Variants in TSC2 observed in about 807,000 individuals in gnomAD.
TSC2 encodes the protein TSC complex subunit 2.
In TSC2, 29 loss-of-function variants were observed where a neutral mutation model predicts 202.2. That is an observed-to-expected ratio of 0.14 (90% CI 0.11 to 0.20). The LOEUF (loss-of-function observed/expected upper bound fraction) is 0.20. Ranked by LOEUF, TSC2 falls within the 10% of genes least tolerant of loss-of-function variation. The pLI is 1.00. For synonymous variants in TSC2, 1,349 were observed against 1,044.0 expected, an observed-to-expected ratio of 1.29 and a Z score of -5.63; for missense variants, 2,429 against 2,420.0, an observed-to-expected ratio of 1.00 and a Z score of -0.08.
rs762627457 is a variant in TSC2, at chr16:2,088,646, G to A, written c.*36G>A. 1 of 1,583,274 alleles carries A rather than the reference G, an allele frequency of 6.3e-7. No individual in the cohort carries two copies. Among genetic ancestry groups the A allele is most frequent in the Non-Finnish European group, 8.5e-7 (1 of 1,172,028 alleles). ...CTCCCTCCTGCACTGGCCTTGGACGGTATTGCCTGTCAGTGAAATAAATAA... is the reference window on the plus strand; with the variant it reads ...CTCCCTCCTGCACTGGCCTTGGACGATATTGCCTGTCAGTGAAATAAATAA... On this transcript the variant is annotated 3_prime_UTR_variant, in exon 42 of 42. Transcript: ENST00000219476.
Position 2,083,677 on chromosome 16 carries a change from C to A in TSC2, c.3884-18C>A, listed in dbSNP as rs879594483. Reference sequence around the variant, plus strand: ...TGGCCCAGCCCCACATCCAGCAGCCCCGTCTGTGTCCTCCCAGACTCCGCC... The same window carrying A: ...TGGCCCAGCCCCACATCCAGCAGCCACGTCTGTGTCCTCCCAGACTCCGCC... On this transcript the variant is annotated intron_variant, in intron 32 of 41. Coordinates refer to ENST00000219476, the MANE Select transcript of TSC2 (RefSeq NM_000548.5). 6.4e-7 allele frequency: 1 copy of A among 1,569,228 alleles called. No individual in the cohort carries two copies. Among genetic ancestry groups the A allele is most frequent in the Admixed American group, 1.9e-5 (1 of 52,800 alleles).
In TSC2 at chr16:2,058,361, C is replaced by A. The variant is rs1027843255; in HGVS notation, c.849-386C>A. On this transcript the variant is annotated intron_variant, in intron 9 of 41. Transcript: ENST00000219476. ...CTTAGCGTGGTCACTGACTCCCCCACCTCCCTGAGTAGTTTTTGCTGTGGC... is the reference window on the plus strand; with the variant it reads ...CTTAGCGTGGTCACTGACTCCCCCAACTCCCTGAGTAGTTTTTGCTGTGGC... Among the ~76,000 whole-genome samples, 4 of 152,262 alleles carry A rather than the reference C, an allele frequency of 2.6e-5. No individual in the cohort carries two copies. The South Asian group carries it at 6.2e-4, about 24-fold the overall frequency.
chr16:2,063,257 C>T (rs1049093111), intron 14 of TSC2: 24 of 663,710 alleles, frequency 3.6e-5, no homozygotes, highest in African/African-American at 3.6e-5. Flanking sequence ...GGCCTTGACA[C>T]GTGGCCAAGT....
chr16:2,076,627 G>GGAA (rs769065968), intron 25 of TSC2, 42 bp downstream of exon 25: 8 of 1,601,120 alleles, frequency 5.0e-6, no homozygotes, highest in Non-Finnish European at 6.8e-6. Context: ...TGTGGGGTGG[G>GGAA]GAAGGACATG....
chr16:2,087,102 G>A, intron 38 of TSC2: 1 of 641,444 alleles, frequency 1.6e-6, no homozygotes, highest in Non-Finnish European at 2.7e-6. Flanking sequence ...ACTGGCAAGT[G>A]CAGACTGGGT....
chr16:2,072,191 C>T (rs2151313891), intron 19 of TSC2, 50 bp from the exon 20 acceptor site: 3 of 1,612,298 alleles, frequency 1.9e-6, no homozygotes, highest in Non-Finnish European at 2.5e-6. Context: ...GCTTCCGCCT[C>T]TGTCTCTAGG....
Position 2,081,408 on chromosome 16 carries a change from CAG to C in TSC2, c.3611-186_3611-185del, listed in dbSNP as rs1162384723. On this transcript the variant is annotated intron_variant, in intron 30 of 41. Transcript: ENST00000219476. ...TGCCTGGCGGAGCCTGGCCTCGAGG[CAG>C]GGGCTGAGCGGGGCAGCAGGGTGGG... is the stretch of plus-strand genomic sequence containing the variant. The C allele has an allele frequency of 1.9e-5, 14 of 750,636 alleles. No individual in the cohort carries two copies. In the East Asian group the frequency reaches 3.5e-4, roughly 19 times the overall value. 46.5% of individuals were successfully genotyped at this position (750,636 alleles called of 1,614,324 possible).
rs752010244 is a variant in TSC2, at chr16:2,079,391, C to G, written c.3247C>G (p.Leu1083Val). Residue 1083 changes from leucine (L) to valine (V), a missense_variant, in exon 28 of 42, where the codon CTG becomes GTG. By Grantham distance (32) the Leu-to-Val change is conservative. Transcript: ENST00000219476. This position sits in a 1 kb window ranked among gnomAD's most constrained non-coding sequence, Gnocchi z 4.6. The stretch of plus-strand genomic sequence containing the variant: ...AACCGGGACCCGGTCGTTACTAGGC[C>G]TGGACTCGGGGGAGCTGCAGTCCGG... ...VGTGTRSLLG[L>V]DSGELQSGPE... 6.2e-7 allele frequency: 1 copy of G among 1,612,758 alleles called. No individual in the cohort carries two copies. Among genetic ancestry groups the G allele is most frequent in the Non-Finnish European group, 8.5e-7 (1 of 1,180,034 alleles).
rs201910214 is a variant in TSC2, at chr16:2,056,618, G to A, written c.649-26G>A. On this transcript the variant is annotated intron_variant, in intron 7 of 41. Coordinates refer to ENST00000219476, the MANE Select transcript of TSC2 (RefSeq NM_000548.5). ...GTGGGGAGGAGCTGGGGTAGGACGG[G>A]CGTGAGCCGTCTCCCTCTCCACCAG... 1.9e-6 allele frequency: 3 copies of A among 1,605,982 alleles called. No homozygotes were observed. The Admixed American group carries it at 5.0e-5, about 27-fold the overall frequency.
intron 13 of TSC2, 85 bp downstream of exon 13, chr16:2,062,685 G>T (rs2151166697): frequency 2.9e-6 from 4 of 1,389,428 alleles, no homozygotes; most frequent in South Asian, 2.5e-5. Context: ...GTCTCAGGAT[G>T]CCCGATGAGC....
intron 9 of TSC2, among the ~76,000 whole-genome samples, chr16:2,057,737 TCTC>T (rs1264092366): frequency 3.3e-5 from 5 of 152,066 alleles, no homozygotes; most frequent in African/African-American, 1.2e-4. Flanking sequence ...GATGTAGGCT[TCTC>T]CTATGGAACC....
chr16:2,086,363 C>T lies in TSC2; in HGVS notation c.4833C>T (p.His1611=), dbSNP rs765271161. The T allele has an allele frequency of 6.8e-6, 11 of 1,612,658 alleles. No homozygotes were observed. The highest frequency in any genetic ancestry group is 2.2e-5 in the East Asian group (1 of 44,888). ...ACGGCCAGTTCACCTACTGCTGGCACGATGACATCATGCAAGGTACGGCCT... is the reference window on the plus strand; with the variant it reads ...ACGGCCAGTTCACCTACTGCTGGCATGATGACATCATGCAAGGTACGGCCT... ...GEDGQFTYCW[H]DDIMQAVFHI... The change falls in exon 37 of 42, where the codon CAC becomes CAT. Residue 1611 remains histidine (H), a synonymous_variant. Coordinates refer to ENST00000219476, the MANE Select transcript of TSC2 (RefSeq NM_000548.5).
intron 10 of TSC2, among the ~76,000 whole-genome samples, chr16:2,059,814 C>T (rs538832005): frequency 1.2e-4 from 18 of 152,052 alleles, no homozygotes; most frequent in African/African-American, 2.2e-4. Flanking sequence ...TCACCGTGCC[C>T]GGCCAAGGCT....
In TSC2 at chr16:2,085,040, C is replaced by T. The variant is rs1402060359; in HGVS notation, c.4569+14C>T. 4 of 1,612,874 alleles carry T rather than the reference C, an allele frequency of 2.5e-6. No individual in the cohort carries two copies. The highest frequency in any genetic ancestry group is 4.5e-5 in the East Asian group (2 of 44,874). ...CTGCCCAATGAGGTAGGCGTGGCCT[C>T]CCTCTCCTGCATCCGCTGGAGCTGT... On this transcript the variant is annotated intron_variant, in intron 35 of 41. Coordinates refer to ENST00000219476, the MANE Select transcript of TSC2 (RefSeq NM_000548.5).
At chr16:2,048,126 G>T in intron 1 of TSC2, 61 bp downstream of exon 1, 1 of 1,501,076 alleles carries the variant, frequency 6.7e-7, no homozygotes, top group Non-Finnish European at 8.9e-7. Context: ...CTAGAGAGGC[G>T]GACCCCGCAG....
rs2151345860 is a variant in TSC2, at chr16:2,074,182, G to A, written c.2356-18G>A. 1 of 1,610,240 alleles carries A rather than the reference G, an allele frequency of 6.2e-7. No homozygotes were observed. The highest frequency in any genetic ancestry group is 8.5e-7 in the Non-Finnish European group (1 of 1,179,808). On this transcript the variant is annotated intron_variant, in intron 21 of 41. Transcript: ENST00000219476. ...CTGCTGCAAGCGGGTGGGGCCTGAGGTGTCCTGTCTCCTGCAGCGCGAGAT... is the reference window on the plus strand; with the variant it reads ...CTGCTGCAAGCGGGTGGGGCCTGAGATGTCCTGTCTCCTGCAGCGCGAGAT...
rs896214489 is a variant in TSC2 at position 2,088,985 on chromosome 16, G to A, written c.*375G>A. 2.8e-5 allele frequency: 8 copies of A among 289,566 alleles called. No individual in the cohort carries two copies. Among genetic ancestry groups the A allele is most frequent in the Non-Finnish European group, 5.3e-5 (8 of 149,780 alleles). 17.9% of individuals were successfully genotyped at this position (289,566 alleles called of 1,614,324 possible). ...GGGGTCCTCTGACATGCCTAGTCCTGCTACTTGCCCAGACCTGATGCCAGC... is the reference window on the plus strand; with the variant it reads ...GGGGTCCTCTGACATGCCTAGTCCTACTACTTGCCCAGACCTGATGCCAGC... On this transcript the variant is annotated 3_prime_UTR_variant, in exon 42 of 42. Transcript: ENST00000219476.
rs779675900 is a variant in TSC2, at chr16:2,088,203, C to T, written c.5161-24C>T. 1.2e-5 allele frequency: 20 copies of T among 1,612,984 alleles called. No individual in the cohort carries two copies. In the East Asian group the frequency reaches 2.0e-4, roughly 16 times the overall value. On this transcript the variant is annotated intron_variant, in intron 40 of 41. Transcript: ENST00000219476. ...GGCCCAGGTGCCACCTGATAGTGAG[C>T]TCACCCCCTGCCTACGTCCCCAGAT...
intron 3 of TSC2, among the ~76,000 whole-genome samples, chr16:2,051,466 T>G (rs1040139654): frequency 6.6e-6 from 1 of 152,076 alleles, no homozygotes; most frequent in Non-Finnish European, 1.5e-5. Context: ...TGGTGCCATT[T>G]TGGGAGGGTG....
Sources: allele counts gnomAD v4.1 joint callset (sites outside exome capture counted in the v4.1 genomes callset), GRCh38; gene constraint gnomAD v4.1.1; non-coding constraint Gnocchi (gnomAD v3.1); transcripts MANE v1.5; gene names NCBI Gene and HGNC (gene_info 2026-07-23, HGNC 2026-07-21).